Variants in PLD5 observed in about 807,000 individuals in gnomAD.
PLD5 encodes inactive phospholipase D5.
In PLD5, 36 loss-of-function variants were observed where a neutral mutation model predicts 61.1. The observed-to-expected ratio is 0.59, with a 90% CI of 0.45 to 0.78. The LOEUF is 0.78. Among genes scored for constraint, PLD5 ranks in the 30% least tolerant of loss-of-function variants. The probability of loss-of-function intolerance (pLI) is 0.00; values close to 1 mark genes in which losing one functional copy is unlikely to be tolerated. For missense variants in PLD5, 515 were observed against 644.4 expected (o/e 0.80, Z 2.17); for synonymous variants, 243 against 242.8 (o/e 1.00, Z -0.01).
upstream of PLD5, among the ~76,000 whole-genome samples, chr1:242,526,999 A>C (rs1315385699): frequency 6.6e-6 from 1 of 152,160 alleles, no homozygotes. Context: ...ACCATAGAAG[A>C]ATTTAAACAA....
intron 5 of PLD5, among the ~76,000 whole-genome samples, chr1:242,135,047 T>C (rs1019351840): frequency 6.6e-6 from 1 of 152,218 alleles, no homozygotes; most frequent in African/African-American, 2.4e-5. Context: ...GACAAGTCCC[T>C]TAATCTTTTG....
intron 6 of PLD5, among the ~76,000 whole-genome samples, chr1:242,120,434 T>C (rs1419477758): frequency 6.6e-6 from 1 of 152,000 alleles, no homozygotes; most frequent in African/African-American, 2.4e-5. Context: ...ATTACAGGAG[T>C]GAGCCACCAT....
chr1:242,460,436 C>T (rs985302175), intron 1 of PLD5, among the ~76,000 whole-genome samples: 15 of 152,114 alleles, frequency 9.9e-5, no homozygotes, highest in Non-Finnish European at 1.8e-4. Flanking sequence ...GGCCAGATCC[C>T]GCAATAGGAT....
chr1:242,244,274 C>T (rs71648699), intron 4 of PLD5, among the ~76,000 whole-genome samples: 23,020 of 152,070 alleles, frequency 0.15, 1,803 homozygotes, highest in South Asian at 0.24. Context: ...GGAGCCTCAC[C>T]GGCAGGCACA....
At chr1:242,373,672 T>C (rs928379587) in intron 1 of PLD5, among the ~76,000 whole-genome samples, 3 of 151,926 alleles carry the variant, frequency 2.0e-5, no homozygotes, top group Admixed American at 6.6e-5. Flanking sequence ...AAACTGGAAA[T>C]CATCATTCTC....
chr1:242,162,977 C>A (rs1270345528), intron 5 of PLD5, among the ~76,000 whole-genome samples: 1 of 151,976 alleles, frequency 6.6e-6, no homozygotes, highest in Admixed American at 6.6e-5. Flanking sequence ...GGCAGAAATC[C>A]TGCAGCTTTC....
intron 1 of PLD5, among the ~76,000 whole-genome samples, chr1:242,449,878 C>T (rs1666711051): frequency 6.6e-6 from 1 of 152,210 alleles, no homozygotes; most frequent in African/African-American, 2.4e-5. Flanking sequence ...ACGAGCACTC[C>T]ATGGTTACAG....
At chr1:242,283,433 G>T (rs1275916381) in intron 3 of PLD5, among the ~76,000 whole-genome samples, 1 of 152,134 alleles carries the variant, frequency 6.6e-6, no homozygotes, top group Non-Finnish European at 1.5e-5. Context: ...GCTGCTTTTT[G>T]GTTATGGGCT....
At chr1:242,465,571 T>C (rs1363882014) in intron 1 of PLD5, among the ~76,000 whole-genome samples, 1 of 152,244 alleles carries the variant, frequency 6.6e-6, no homozygotes, top group South Asian at 2.1e-4. Flanking sequence ...CCATTTATTC[T>C]ACTTTTATTC....
chr1:242,193,202 A>G (rs948997284), intron 5 of PLD5, among the ~76,000 whole-genome samples: 3 of 151,918 alleles, frequency 2.0e-5, no homozygotes, highest in African/African-American at 7.3e-5. Context: ...ATATTTTATT[A>G]TTGGTCTAGT....
intron 1 of PLD5, among the ~76,000 whole-genome samples, chr1:242,472,227 T>C (rs1667467543): frequency 6.6e-6 from 1 of 152,192 alleles, no homozygotes; most frequent in Non-Finnish European, 1.5e-5. Context: ...AGTGGAATCA[T>C]TGATTTTGAG....
At chr1:242,269,043 A>G (rs1055124131) in intron 3 of PLD5, among the ~76,000 whole-genome samples, 2 of 152,032 alleles carry the variant, frequency 1.3e-5, no homozygotes, top group Non-Finnish European at 2.9e-5. Context: ...GGGTTTCACC[A>G]TGTTGGCCAG....
chr1:242,489,413 CAGAG>C (rs369571585), intron 1 of PLD5, among the ~76,000 whole-genome samples: 2 of 147,908 alleles, frequency 1.4e-5, no homozygotes, highest in Admixed American at 1.3e-4. Flanking sequence ...ATGCTGCAAC[CAGAG>C]AGAGAGAGAA....
intron 1 of PLD5, among the ~76,000 whole-genome samples, chr1:242,350,552 T>C (rs1204361968): frequency 6.6e-6 from 1 of 152,002 alleles, no homozygotes; most frequent in Non-Finnish European, 1.5e-5. Flanking sequence ...CAAAGCCACA[T>C]GATTTCCTAA....
chr1:242,161,824 A>C (rs1457085945), intron 5 of PLD5, among the ~76,000 whole-genome samples: 1 of 152,172 alleles, frequency 6.6e-6, no homozygotes, highest in African/African-American at 2.4e-5. Context: ...ATGATTTCTC[A>C]ATCAAGACAG....
intron 1 of PLD5, among the ~76,000 whole-genome samples, chr1:242,429,078 G>C (rs1665579172): frequency 6.6e-6 from 1 of 152,176 alleles, no homozygotes; most frequent in South Asian, 2.1e-4. Context: ...TGAACAGCGA[G>C]CTACAGTTCA....
In PLD5 at chr1:242,451,991, T is replaced by C. The variant is rs551227551; in HGVS notation, c.189+72097A>G. ...CACTCCATTCCAGGGATGGTTTTTA[T>C]TGTTGTCCCCACGGGGGCTTCGGCT... On this transcript the variant is annotated intron_variant, in intron 1 of 9. Coordinates refer to ENST00000536534, the MANE Select transcript of PLD5 (RefSeq NM_001372062.1). 1.7e-4 allele frequency among the ~76,000 whole-genome samples: 26 copies of C among 152,268 alleles called. No individual in the cohort carries two copies. The East Asian group carries it at 4.1e-3, about 24-fold the overall frequency.
intron 5 of PLD5, among the ~76,000 whole-genome samples, chr1:242,191,163 A>G (rs889239502): frequency 2.7e-5 from 4 of 150,910 alleles, no homozygotes; most frequent in Non-Finnish European, 5.9e-5. Flanking sequence ...ATCTGTAAAC[A>G]TTCCACATAC....
intron 1 of PLD5, chr1:242,377,192 G>T: frequency 6.2e-7 from 1 of 1,611,584 alleles, no homozygotes; most frequent in Non-Finnish European, 8.5e-7. Context: ...CGTGAGACGT[G>T]TAGCAGAGGC....
Sources: gnomAD v4.1 joint callset for allele counts (sites outside exome capture counted in the v4.1 genomes callset) on GRCh38, gnomAD v4.1.1 for gene constraint, MANE v1.5 for transcripts, NCBI Gene and HGNC (gene_info 2026-07-23, HGNC 2026-07-21) for gene names.